Variants in TSPAN15 observed in about 807,000 individuals in gnomAD.
TSPAN15 encodes tetraspanin-15.
TSPAN15 carries 20 observed loss-of-function variants against 34.5 expected under a neutral mutation model. The ratio of observed to expected loss-of-function variants is 0.58; its 90% CI spans 0.41 to 0.84. The LOEUF (loss-of-function observed/expected upper bound fraction) is 0.84. TSPAN15 is among the 40% of genes least tolerant of loss of function. The probability of loss-of-function intolerance (pLI) is 0.00; values close to 1 mark genes in which losing one functional copy is unlikely to be tolerated. For missense variants in TSPAN15, 313 were observed against 386.1 expected (o/e 0.81, Z 1.59); for synonymous variants, 155 against 153.9 (o/e 1.01, Z -0.05).
the TSPAN15 span, among the ~76,000 whole-genome samples, chr10:69,545,848 C>T: frequency 3.3e-5 from 5 of 152,062 alleles, no homozygotes; most frequent in African/African-American, 7.2e-5. Flanking sequence ...CCCAGCTACT[C>T]GGGAGGCTGA....
intron 1 of TSPAN15, among the ~76,000 whole-genome samples, chr10:69,455,626 CCCCCCCCCG>C (rs1841086482): frequency 6.7e-5 from 3 of 45,094 alleles, no homozygotes; most frequent in African/African-American, 2.4e-4. Flanking sequence ...CTCTCTCTCT[CCCCCCCCCG>C]TCTCTTTCTT....
intron 1 of TSPAN15, among the ~76,000 whole-genome samples, chr10:69,452,544 C>T (rs1840996247): frequency 6.6e-6 from 1 of 152,038 alleles, no homozygotes; most frequent in African/African-American, 2.4e-5. Context: ...AGGATGCTCG[C>T]GGAGATTACG....
chr10:69,547,626 A>G, the TSPAN15 span, among the ~76,000 whole-genome samples: 3 of 152,250 alleles, frequency 2.0e-5, no homozygotes, highest in African/African-American at 4.8e-5. Flanking sequence ...ACCCAGAAAC[A>G]GGAAGTAAAT....
Position 69,485,406 on chromosome 10 carries a change from C to T in TSPAN15, c.357+191C>T, listed in dbSNP as rs559419659. 1.6e-4 allele frequency among the ~76,000 whole-genome samples: 25 copies of T among 152,230 alleles called. No homozygotes were observed. The Middle Eastern group carries it at 0.01, about 62-fold the overall frequency. On this transcript the variant is annotated intron_variant, in intron 3 of 7. Transcript: ENST00000373290. ...AAAATGAACCAAGCTGACATGAGAG[C>T]GCCTGGGGAGGAGATGGGAGGCCCG... is the stretch of plus-strand genomic sequence containing the variant.
At chr10:69,481,132 A>C (rs1033982246) in intron 1 of TSPAN15, among the ~76,000 whole-genome samples, 7 of 152,172 alleles carry the variant, frequency 4.6e-5, no homozygotes, top group South Asian at 2.1e-4. Context: ...TCTCTGGTTT[A>C]CCTTTCTCTA....
chr10:69,513,196 G>A, the TSPAN15 span, among the ~76,000 whole-genome samples: 1 of 152,086 alleles, frequency 6.6e-6, no homozygotes, highest in East Asian at 1.9e-4. Context: ...AGTACTTTTC[G>A]TAGACATATT....
At chr10:69,535,275 C>A in the TSPAN15 span, among the ~76,000 whole-genome samples, 1 of 152,064 alleles carries the variant, frequency 6.6e-6, no homozygotes, top group African/African-American at 2.4e-5. Flanking sequence ...ACTTCTTAAG[C>A]CACAAAGGTT....
chr10:69,465,082 C>T (rs1363290964), intron 1 of TSPAN15, among the ~76,000 whole-genome samples: 5 of 152,234 alleles, frequency 3.3e-5, no homozygotes, highest in Non-Finnish European at 4.4e-5. Context: ...GAGAAGCTGG[C>T]ACTCACTGAG....
At chr10:69,468,988 G>C (rs1341894174) in intron 1 of TSPAN15, among the ~76,000 whole-genome samples, 5 of 149,284 alleles carry the variant, frequency 3.3e-5, no homozygotes, top group Admixed American at 3.3e-4. Context: ...ATGACTTAGG[G>C]TAAGGCCCTA....
At chr10:69,524,139 G>T in the TSPAN15 span, among the ~76,000 whole-genome samples, 5 of 147,888 alleles carry the variant, frequency 3.4e-5, no homozygotes, top group African/African-American at 1.2e-4. Context: ...CAGTCCTGAT[G>T]GTTCAGTATT....
chr10:69,530,816 CTCT>C, the TSPAN15 span, among the ~76,000 whole-genome samples: 4 of 52,432 alleles, frequency 7.6e-5, no homozygotes, highest in African/African-American at 3.0e-4. Flanking sequence ...CTCTCTCTCT[CTCT>C]CTATATATAT....
At chr10:69,509,294 G>T (rs183530706), downstream of TSPAN15, among the ~76,000 whole-genome samples, 3 of 152,284 alleles carry the variant, frequency 2.0e-5, no homozygotes, top group African/African-American at 7.2e-5. Flanking sequence ...GCCACAGATG[G>T]CTAAGCTCCA....
At chr10:69,513,810 G>C in the TSPAN15 span, among the ~76,000 whole-genome samples, 2 of 152,184 alleles carry the variant, frequency 1.3e-5, no homozygotes, top group African/African-American at 4.8e-5. Flanking sequence ...ATATCCAATT[G>C]CTCCAGCACC....
the TSPAN15 span, among the ~76,000 whole-genome samples, chr10:69,532,490 A>G: frequency 1.3e-5 from 2 of 152,232 alleles, no homozygotes; most frequent in African/African-American, 4.8e-5. Context: ...TAGGAGAATG[A>G]AACTCGACCT....
At chr10:69,538,332 C>A in the TSPAN15 span, among the ~76,000 whole-genome samples, 1 of 152,304 alleles carries the variant, frequency 6.6e-6, no homozygotes, top group Admixed American at 6.5e-5. Flanking sequence ...GAGGACCCCT[C>A]CTCCCAGGAC....
rs1430223815 is a variant in TSPAN15 at position 69,485,281 on chromosome 10, A to G, written c.357+66A>G. 7 of 1,383,310 alleles carry G rather than the reference A, an allele frequency of 5.1e-6. No individual in the cohort carries two copies. The African/African-American group carries it at 9.9e-5, about 20-fold the overall frequency. 85.7% of individuals were successfully genotyped at this position (1,383,310 alleles called of 1,614,324 possible). ...GCACCCACTGTGGGTGCCTTGGGCT[A>G]ACTGGGGGTATGGCAGTGAGCAGGG... On this transcript the variant is annotated intron_variant, in intron 3 of 7. Transcript: ENST00000373290.
the TSPAN15 span, among the ~76,000 whole-genome samples, chr10:69,539,459 AGAAGGAGAAGGAGAAGG>A: frequency 1.4e-4 from 6 of 43,984 alleles, no homozygotes; most frequent in African/African-American, 2.0e-4. Flanking sequence ...AAGAAGAAGA[AGAAGGAGAAGGAGAAGG>A]AGAAGGAGAA....
intron 4 of TSPAN15, among the ~76,000 whole-genome samples, chr10:69,496,216 C>T (rs1393891639): frequency 2.0e-5 from 3 of 151,884 alleles, no homozygotes; most frequent in Non-Finnish European, 4.4e-5. Flanking sequence ...GACAGTGAAC[C>T]AGACGCCTCT....
At chr10:69,522,130 G>T in the TSPAN15 span, among the ~76,000 whole-genome samples, 1 of 147,314 alleles carries the variant, frequency 6.8e-6, no homozygotes, top group Non-Finnish European at 1.5e-5. Context: ...AGAGGCTGAG[G>T]TGAGCAAATC....
Sources: gnomAD v4.1 joint callset for allele counts (sites outside exome capture counted in the v4.1 genomes callset) on GRCh38, gnomAD v4.1.1 for gene constraint, MANE v1.5 for transcripts, NCBI Gene and HGNC (gene_info 2026-07-23, HGNC 2026-07-21) for gene names.